SORBS2: variants seen among roughly 807,000 people sequenced by gnomAD.
SORBS2 encodes sorbin and SH3 domain containing 2.
In SORBS2, 46 loss-of-function variants were observed where a neutral mutation model predicts 97.7. The observed-to-expected ratio is 0.47, with a 90% CI of 0.37 to 0.60. The LOEUF (loss-of-function observed/expected upper bound fraction) is 0.60, where lower values mean the gene tolerates loss of function less well. SORBS2 is among the 20% of genes least tolerant of loss of function. The pLI, the probability that SORBS2 is intolerant of heterozygous loss-of-function variation, is 0.00. For synonymous variants in SORBS2, 476 were observed against 473.4 expected (o/e 1.01, Z -0.07); for missense variants, 1,316 against 1,282.3 (o/e 1.03, Z -0.40).
At chr4:185,631,902 A>C (rs2096915152) in intron 4 of SORBS2, among the ~76,000 whole-genome samples, 1 of 152,260 alleles carries the variant, frequency 6.6e-6, no homozygotes, top group Admixed American at 6.5e-5. Context: ...CATCACAGAT[A>C]AAATTTGGTT....
intron 7 of SORBS2, among the ~76,000 whole-genome samples, chr4:185,621,163 C>T (rs889117113): frequency 1.3e-5 from 2 of 152,014 alleles, no homozygotes; most frequent in Non-Finnish European, 2.9e-5. Flanking sequence ...TTTATTTTAT[C>T]CATCTATGAA....
At chr4:185,745,248 C>G (rs192765093) in intron 2 of SORBS2, among the ~76,000 whole-genome samples, 1 of 152,280 alleles carries the variant, frequency 6.6e-6, no homozygotes, top group East Asian at 1.9e-4. Context: ...AGCAGTGTCT[C>G]TATCCGAGAG....
At chr4:185,762,492 C>CA (rs57539074) in intron 2 of SORBS2, among the ~76,000 whole-genome samples, 3,528 of 122,120 alleles carry the variant, frequency 0.029, 54 homozygotes, top group Admixed American at 0.058. Context: ...TAAGGTTGGG[C>CA]AAAAAAAAAA....
At chr4:185,619,281 T>C (rs1423732629) in intron 8 of SORBS2, among the ~76,000 whole-genome samples, 1 of 152,178 alleles carries the variant, frequency 6.6e-6, no homozygotes, top group Non-Finnish European at 1.5e-5. Flanking sequence ...AGGTACCCTG[T>C]ACCCTATAGC....
intron 1 of SORBS2, among the ~76,000 whole-genome samples, chr4:185,818,923 A>T (rs967390727): frequency 6.6e-6 from 1 of 152,158 alleles, no homozygotes; most frequent in Non-Finnish European, 1.5e-5. Flanking sequence ...GGTAGATTTT[A>T]AAAAATTTAT....
rs568929662 is a variant in SORBS2 at position 185,642,675 on chromosome 4, C to T, written c.396+3993G>A. Reference sequence around the variant, plus strand: ...AGTATTTATGAGCTTCAAAAAAGTGCGCTCACTTTTACTTTCCCTGTTAAA... The same window carrying T: ...AGTATTTATGAGCTTCAAAAAAGTGTGCTCACTTTTACTTTCCCTGTTAAA... On this transcript the variant is annotated intron_variant, in intron 4 of 14. Coordinates refer to ENST00000418609, the Ensembl canonical transcript of SORBS2. 9.2e-5 allele frequency among the ~76,000 whole-genome samples: 14 copies of T among 152,254 alleles called. No homozygotes were observed. The East Asian group carries it at 1.4e-3, about 15-fold the overall frequency.
intron 3 of SORBS2, among the ~76,000 whole-genome samples, chr4:185,648,441 C>T (rs2097253608): frequency 6.6e-6 from 1 of 150,866 alleles, no homozygotes; most frequent in African/African-American, 2.4e-5. Flanking sequence ...GAGACAAGAT[C>T]ACACCATTGC....
intron 1 of SORBS2, among the ~76,000 whole-genome samples, chr4:185,851,869 C>T (rs1254143858): frequency 1.3e-5 from 2 of 152,160 alleles, no homozygotes; most frequent in Non-Finnish European, 2.9e-5. Context: ...CTCAAGCTTA[C>T]AGACAGCCTA....
At chr4:185,811,364 T>C (rs370091247) in intron 1 of SORBS2, among the ~76,000 whole-genome samples, 37 of 152,362 alleles carry the variant, frequency 2.4e-4, no homozygotes, top group Middle Eastern at 3.4e-3. Flanking sequence ...GAAATGTTGT[T>C]GGCTGTGAGG....
At chr4:185,915,221 C>T (rs776835825) in intron 1 of SORBS2, among the ~76,000 whole-genome samples, 1 of 152,178 alleles carries the variant, frequency 6.6e-6, no homozygotes, top group Admixed American at 6.5e-5. Context: ...AATAAAGAGA[C>T]CCGAATGGAA....
chr4:185,832,262 A>ACC (rs2153673830), intron 1 of SORBS2, among the ~76,000 whole-genome samples: 1 of 151,864 alleles, frequency 6.6e-6, no homozygotes, highest in South Asian at 2.1e-4. Flanking sequence ...TTATGTAAAA[A>ACC]CCCCATCTGA....
chr4:185,920,667 A>T (rs577416962), intron 1 of SORBS2, among the ~76,000 whole-genome samples: 1 of 152,290 alleles, frequency 6.6e-6, no homozygotes, highest in African/African-American at 2.4e-5. Context: ...AACTCTAAAA[A>T]AGTTTACCAG....
At chr4:185,864,654 TA>T (rs751446412) in intron 1 of SORBS2, among the ~76,000 whole-genome samples, 1 of 152,196 alleles carries the variant, frequency 6.6e-6, no homozygotes, top group African/African-American at 2.4e-5. Context: ...CTCACGCCTA[TA>T]ATCCCAGCAC....
At chr4:185,938,740 T>TC (rs937118511) in intron 1 of SORBS2, among the ~76,000 whole-genome samples, 6 of 151,402 alleles carry the variant, frequency 4.0e-5, no homozygotes, top group African/African-American at 7.3e-5. Flanking sequence ...ACAACTGCTT[T>TC]CCCCCCCAGC....
At chr4:185,761,124 T>C (rs1290803183) in intron 2 of SORBS2, among the ~76,000 whole-genome samples, 2 of 152,232 alleles carry the variant, frequency 1.3e-5, no homozygotes, top group African/African-American at 4.8e-5. Flanking sequence ...TCCTTCACTT[T>C]TAACTCCTTC....
intron 1 of SORBS2, among the ~76,000 whole-genome samples, chr4:185,876,348 T>C (rs774202787): frequency 2.0e-5 from 3 of 152,194 alleles, no homozygotes; most frequent in African/African-American, 7.2e-5. Flanking sequence ...CCTTAGGTGA[T>C]CCACCTGCCT....
At chr4:185,847,493 G>T (rs1561230765) in intron 1 of SORBS2, among the ~76,000 whole-genome samples, 11 of 152,036 alleles carry the variant, frequency 7.2e-5, no homozygotes, top group Admixed American at 7.2e-4. Context: ...ATCCATCCTC[G>T]CAGGATCTGG....
chr4:185,626,987 C>T (rs373192704), exon 6 of SORBS2: 19 of 1,614,182 alleles, frequency 1.2e-5, no homozygotes, highest in Admixed American at 1.7e-5. Flanking sequence ...GCTCTTCCTC[C>T]GCTTCCTGAA....
intron 1 of SORBS2, among the ~76,000 whole-genome samples, chr4:185,855,954 G>A (rs963624262): frequency 2.0e-5 from 3 of 152,162 alleles, no homozygotes; most frequent in African/African-American, 7.2e-5. Flanking sequence ...AAAATTAAAT[G>A]TGCCTTTGGG....
Sources: gnomAD v4.1 joint callset for allele counts (sites outside exome capture counted in the v4.1 genomes callset) on GRCh38, gnomAD v4.1.1 for gene constraint, MANE v1.5 for transcripts, NCBI Gene and HGNC (gene_info 2026-07-23, HGNC 2026-07-21) for gene names.